Variants in AOAH observed in about 807,000 individuals in gnomAD.
AOAH encodes acyloxyacyl hydrolase (neutrophil).
In AOAH, 64 loss-of-function variants were observed where a neutral mutation model predicts 92.2. That is an observed-to-expected ratio of 0.69 (90% CI 0.57 to 0.86). The LOEUF (loss-of-function observed/expected upper bound fraction) is 0.86, where lower values mean the gene tolerates loss of function less well. AOAH is among the 40% of genes least tolerant of loss of function. The pLI, the probability that AOAH is intolerant of heterozygous loss-of-function variation, is 0.00. For missense variants in AOAH, 656 were observed against 694.6 expected (o/e 0.94, Z 0.62); for synonymous variants, 263 against 254.5 (o/e 1.03, Z -0.32).
At chr7:36,658,075 C>T (rs1794997353) in intron 4 of AOAH, among the ~76,000 whole-genome samples, 1 of 151,844 alleles carries the variant, frequency 6.6e-6, no homozygotes, top group African/African-American at 2.4e-5. Flanking sequence ...TTAAAGTTAA[C>T]TAACTCTTCT....
At chr7:36,538,264 T>C (rs1785211060) in intron 16 of AOAH, among the ~76,000 whole-genome samples, 1 of 151,992 alleles carries the variant, frequency 6.6e-6, no homozygotes, top group Non-Finnish European at 1.5e-5. Flanking sequence ...TCGCCACAGT[T>C]GATCCACCCA....
intron 12 of AOAH, among the ~76,000 whole-genome samples, chr7:36,585,210 G>A (rs1463992283): frequency 6.6e-6 from 1 of 152,010 alleles, no homozygotes; most frequent in Non-Finnish European, 1.5e-5. Context: ...GGTAGGTGCT[G>A]CAGCATGGGC....
Position 36,623,232 on chromosome 7 carries a change from C to A in AOAH, c.540G>T (p.Val180=). 2 of 1,613,976 alleles carry A rather than the reference C, an allele frequency of 1.2e-6. No individual in the cohort carries two copies. The highest frequency in any genetic ancestry group is 1.7e-6 in the Non-Finnish European group (2 of 1,179,934). The change falls in exon 7 of 21, where the codon GTG becomes GTT. Residue 180 remains valine (V), a synonymous_variant. Coordinates refer to ENST00000617537, the MANE Select transcript of AOAH (RefSeq NM_001637.4). ...TGTCTGAATCCACATCTTTGAATGG[C>A]ACAGACTGTTCCATAGCTCTAGGAA... is the stretch of plus-strand genomic sequence containing the variant. ...QKIKLAMEQS[V]PFKDVDSDKY...
intron 11 of AOAH, among the ~76,000 whole-genome samples, chr7:36,599,567 T>TA (rs1340090386): frequency 1.3e-5 from 2 of 152,226 alleles, no homozygotes; most frequent in Non-Finnish European, 2.9e-5. Flanking sequence ...TGGAAAAAGA[T>TA]AAAAAATGTC....
chr7:36,604,281 T>C (rs919096620), intron 11 of AOAH, among the ~76,000 whole-genome samples: 47 of 152,212 alleles, frequency 3.1e-4, no homozygotes, highest in African/African-American at 1.1e-3. Flanking sequence ...ATAGGATACT[T>C]GGTGTTTGGT....
chr7:36,687,136 C>A (rs1239538890), intron 1 of AOAH, among the ~76,000 whole-genome samples: 1 of 152,190 alleles, frequency 6.6e-6, no homozygotes, highest in Non-Finnish European at 1.5e-5. Context: ...GTGGAAATTG[C>A]CTGGCATTTG....
intron 16 of AOAH, 92 bp from the exon 17 acceptor site, chr7:36,532,436 G>T: frequency 1.7e-6 from 2 of 1,188,728 alleles, no homozygotes; most frequent in Non-Finnish European, 2.5e-6. Context: ...CTTGCAGAAA[G>T]TCACTATTTC....
At chr7:36,523,181 A>G (rs1316511899) in intron 19 of AOAH, among the ~76,000 whole-genome samples, 2 of 152,194 alleles carry the variant, frequency 1.3e-5, no homozygotes, top group Non-Finnish European at 2.9e-5. Context: ...TACACACTGA[A>G]TCGCCAGCCC....
intron 1 of AOAH, among the ~76,000 whole-genome samples, chr7:36,715,638 C>T (rs371859477): frequency 4.1e-5 from 6 of 147,656 alleles, no homozygotes; most frequent in South Asian, 2.3e-4. Flanking sequence ...TATAGACCAA[C>T]GGAACGGAAC....
chr7:36,640,608 T>C (rs1267443219), intron 4 of AOAH, among the ~76,000 whole-genome samples: 2 of 152,110 alleles, frequency 1.3e-5, no homozygotes, highest in African/African-American at 4.8e-5. Flanking sequence ...AGCCTTTGTC[T>C]CGGCGGCACT....
chr7:36,560,850 C>T (rs542326315), intron 13 of AOAH, among the ~76,000 whole-genome samples: 1 of 152,116 alleles, frequency 6.6e-6, no homozygotes, highest in South Asian at 2.1e-4. Context: ...TATTAAAATG[C>T]ACATAGCCAT....
At chr7:36,539,173 A>G (rs1424368682) in intron 16 of AOAH, among the ~76,000 whole-genome samples, 1 of 152,158 alleles carries the variant, frequency 6.6e-6, no homozygotes, top group African/African-American at 2.4e-5. Flanking sequence ...CACTCCCTCT[A>G]AGGAGGGCGT....
At chr7:36,634,671 T>A (rs1793394176) in intron 5 of AOAH, among the ~76,000 whole-genome samples, 2 of 152,224 alleles carry the variant, frequency 1.3e-5, no homozygotes, top group Admixed American at 6.5e-5. Context: ...ATACAGACAC[T>A]ATCTGAGATC....
intron 1 of AOAH, among the ~76,000 whole-genome samples, chr7:36,717,396 A>G (rs1470494373): frequency 6.7e-6 from 1 of 149,890 alleles, no homozygotes; most frequent in African/African-American, 2.5e-5. Context: ...CCCCTTAGTC[A>G]GTGAACTAAA....
chr7:36,687,727 T>G (rs576129839), intron 1 of AOAH, among the ~76,000 whole-genome samples: 2 of 152,270 alleles, frequency 1.3e-5, no homozygotes, highest in Admixed American at 1.3e-4. Context: ...CCAAGGAGCC[T>G]GGGCCAGCAG....
At chr7:36,616,297 G>A in intron 11 of AOAH, 83 bp downstream of exon 11, 1 of 1,094,878 alleles carries the variant, frequency 9.1e-7, no homozygotes, top group Non-Finnish European at 1.4e-6. Context: ...CCTGTGTGGA[G>A]TTGGCATCCC....
intron 16 of AOAH, 153 bp downstream of exon 16, chr7:36,540,166 G>C (rs1785323413): frequency 3.2e-6 from 2 of 633,528 alleles, no homozygotes; most frequent in East Asian, 3.0e-5. Context: ...ATGACCTTTA[G>C]ATACTGCACC....
At chr7:36,527,192 T>G (rs535673249) in intron 19 of AOAH, among the ~76,000 whole-genome samples, 6 of 152,276 alleles carry the variant, frequency 3.9e-5, no homozygotes, top group African/African-American at 1.4e-4. Flanking sequence ...CATCTTTCAG[T>G]GCTGGACTGA....
At chr7:36,631,913 G>GAAAC (rs1263510033) in intron 6 of AOAH, 123 bp downstream of exon 6, 1 of 727,948 alleles carries the variant, frequency 1.4e-6, no homozygotes, top group Non-Finnish European at 2.3e-6. Context: ...TTTTGAGAAA[G>GAAAC]AAACACTCTC....
Sources: allele counts gnomAD v4.1 joint callset (sites outside exome capture counted in the v4.1 genomes callset), GRCh38; gene constraint gnomAD v4.1.1; transcripts MANE v1.5; gene names NCBI Gene and HGNC (gene_info 2026-07-23, HGNC 2026-07-21).